Variants in MAP2 observed in about 807,000 individuals in gnomAD.
The protein encoded by MAP2 is microtubule associated protein 2.
In MAP2, 14 loss-of-function variants were observed where a neutral mutation model predicts 137.6. That is an observed-to-expected ratio of 0.10 (90% CI 0.07 to 0.16). MAP2 has a LOEUF of 0.16. Ranked by LOEUF, MAP2 falls within the 10% of genes least tolerant of loss-of-function variation. MAP2 has a pLI of 1.00. For synonymous variants in MAP2, 786 were observed against 782.3 expected, an observed-to-expected ratio of 1.00 and a Z score of -0.08; for missense variants, 2,088 against 2,191.5, an observed-to-expected ratio of 0.95 and a Z score of 0.94.
rs906961392 is a variant in MAP2, at chr2:209,534,274, T to A, written c.-172+26633T>A. 9.1e-4 allele frequency among the ~76,000 whole-genome samples: 139 copies of A among 152,336 alleles called. 2 individuals carry two copies. The highest frequency in any genetic ancestry group is 2.2e-4 in the Non-Finnish European group (15 of 68,040). On this transcript the variant is annotated intron_variant, in intron 2 of 15. Transcript: ENST00000682079. ...CAACAAGTTGGTTACTGTTGGGATA[T>A]CCATTTTACAGATAAAGAGTCAGAG...
intron 5 of MAP2, among the ~76,000 whole-genome samples, chr2:209,654,391 G>A (rs1170737685): frequency 6.6e-6 from 1 of 152,202 alleles, no homozygotes; most frequent in Non-Finnish European, 1.5e-5. Flanking sequence ...CAGGGTTTGA[G>A]ATACTGTGCA....
chr2:209,600,204 A>G (rs559884868), intron 3 of MAP2, among the ~76,000 whole-genome samples: 17 of 152,336 alleles, frequency 1.1e-4, no homozygotes, highest in African/African-American at 3.4e-4. Context: ...AAAAGCCCAC[A>G]CACATCGACA....
At chr2:209,472,401 A>G (rs528046563) in intron 1 of MAP2, among the ~76,000 whole-genome samples, 1 of 152,302 alleles carries the variant, frequency 6.6e-6, no homozygotes, top group South Asian at 2.1e-4. Context: ...GTTGAAGGCC[A>G]AGGTACTTGG....
rs2094928593 is a variant in MAP2 at position 209,653,346 on chromosome 2, G to A, written c.176G>A (p.Gly59Glu). ...AGGGAGGATGAAGAGGGTGCCTTTGGAGAGCATGGGTCACAGGGCACCTAT... is the reference window on the plus strand; with the variant it reads ...AGGGAGGATGAAGAGGGTGCCTTTGAAGAGCATGGGTCACAGGGCACCTAT... ...PYREDEEGAF[G>E]EHGSQGTYSN... Residue 59 changes from glycine (G) to glutamate (E), a missense_variant, in exon 5 of 16, where the codon GGA becomes GAA. Transcript: ENST00000682079. 1 of 1,614,114 alleles carries A rather than the reference G, an allele frequency of 6.2e-7. No homozygotes were observed. Among genetic ancestry groups the A allele is most frequent in the Admixed American group, 1.7e-5 (1 of 60,016 alleles).
chr2:209,462,074 C>A (rs924564699), intron 1 of MAP2, among the ~76,000 whole-genome samples: 2 of 152,130 alleles, frequency 1.3e-5, no homozygotes, highest in Non-Finnish European at 2.9e-5. Context: ...TAATTCCTCT[C>A]CTACCTTGAG....
At chr2:209,546,912 C>T (rs1181048486) in intron 2 of MAP2, among the ~76,000 whole-genome samples, 1 of 152,088 alleles carries the variant, frequency 6.6e-6, no homozygotes, top group Non-Finnish European at 1.5e-5. Flanking sequence ...TTTTAATAGC[C>T]TAGCCAGTGG....
intron 2 of MAP2, among the ~76,000 whole-genome samples, chr2:209,542,573 A>C (rs1490085145): frequency 6.6e-6 from 1 of 152,226 alleles, no homozygotes; most frequent in Non-Finnish European, 1.5e-5. Context: ...CTACATTAAC[A>C]ATCTATTGTG....
intron 1 of MAP2, among the ~76,000 whole-genome samples, chr2:209,428,923 T>TTTATTTA (rs541065518): frequency 2.7e-5 from 4 of 146,430 alleles, no homozygotes; most frequent in East Asian, 2.1e-4. Flanking sequence ...CTTTATTTTA[T>TTTATTTA]TTTATTTATT....
chr2:209,611,180 T>C (rs1201754399), intron 3 of MAP2, among the ~76,000 whole-genome samples: 3 of 152,212 alleles, frequency 2.0e-5, no homozygotes, highest in South Asian at 4.1e-4. Context: ...TTGAAAGCAG[T>C]ATTCTCTTTT....
At chr2:209,565,235 T>G (rs957931033) in intron 2 of MAP2, among the ~76,000 whole-genome samples, 90 of 152,320 alleles carry the variant, frequency 5.9e-4, no homozygotes, top group African/African-American at 2.1e-3. Context: ...TTTATTTTTT[T>G]GAGACAGGAA....
intron 13 of MAP2, among the ~76,000 whole-genome samples, chr2:209,720,515 T>G (rs2070023172): frequency 6.6e-6 from 1 of 151,808 alleles, no homozygotes; most frequent in African/African-American, 2.4e-5. Flanking sequence ...GGCGGGCGCC[T>G]GTAGTCCCAG....
chr2:209,438,896 T>C (rs1697044370), intron 1 of MAP2, among the ~76,000 whole-genome samples: 1 of 151,128 alleles, frequency 6.6e-6, no homozygotes, highest in African/African-American at 2.4e-5. Context: ...AACTACATTA[T>C]ATTATTATTT....
chr2:209,479,338 C>A (rs773830186), intron 1 of MAP2, among the ~76,000 whole-genome samples: 26 of 152,066 alleles, frequency 1.7e-4, no homozygotes, highest in Non-Finnish European at 3.4e-4. Flanking sequence ...TAATACTCTG[C>A]ATCACTTATA....
intron 4 of MAP2, among the ~76,000 whole-genome samples, chr2:209,628,729 A>C: frequency 6.6e-6 from 1 of 152,208 alleles, no homozygotes; most frequent in East Asian, 1.9e-4. Flanking sequence ...ATATACTGGC[A>C]TCTTCTACCT....
In MAP2 at chr2:209,580,662, A is replaced by C. The variant is rs960070515; in HGVS notation, c.-107+562A>C. On this transcript the variant is annotated intron_variant, in intron 3 of 15. Transcript: ENST00000682079. ...GCCGAGGTTGTTAGTTCTTAAAAGA[A>C]GTTATTTTACATTTGCTTTATTTGG... is the stretch of plus-strand genomic sequence containing the variant. Among the ~76,000 whole-genome samples the C allele has an allele frequency of 1.2e-4, 19 of 152,218 alleles. 1 individual carries two copies. The highest frequency in any genetic ancestry group is 3.4e-4 in the African/African-American group (14 of 41,460).
intron 2 of MAP2, among the ~76,000 whole-genome samples, chr2:209,551,054 C>T (rs558663699): frequency 1.3e-5 from 2 of 152,224 alleles, no homozygotes; most frequent in African/African-American, 4.8e-5. Context: ...AGATCTCAAA[C>T]ACCATCTGTA....
At chr2:209,633,362 A>G (rs570094398) in intron 4 of MAP2, among the ~76,000 whole-genome samples, 70 of 152,284 alleles carry the variant, frequency 4.6e-4, no homozygotes, top group Middle Eastern at 3.4e-3. Context: ...ATGTATCTGC[A>G]CTATAGAAAA....
At chr2:209,424,966 A>G (rs1380539093) in intron 1 of MAP2, among the ~76,000 whole-genome samples, 1 of 148,842 alleles carries the variant, frequency 6.7e-6, no homozygotes, top group East Asian at 2.1e-4. Flanking sequence ...TTTTCTTTTT[A>G]AAAGGCTTTT....
In MAP2 at chr2:209,582,603, A is replaced by G. The variant is rs560207046; in HGVS notation, c.-107+2503A>G. ...AATGTAATATGAGAAATGATGTCATACTTACCAGTCCATAATGAGCAACAA... is the reference window on the plus strand; with the variant it reads ...AATGTAATATGAGAAATGATGTCATGCTTACCAGTCCATAATGAGCAACAA... On this transcript the variant is annotated intron_variant, in intron 3 of 15. Transcript: ENST00000682079. Among the ~76,000 whole-genome samples, 864 of 152,112 alleles carry G rather than the reference A, an allele frequency of 5.7e-3. 9 individuals are homozygous for G. Among genetic ancestry groups the G allele is most frequent in the Middle Eastern group, 0.034 (10 of 294 alleles).
Sources: gnomAD v4.1 joint callset for allele counts (sites outside exome capture counted in the v4.1 genomes callset) on GRCh38, gnomAD v4.1.1 for gene constraint, MANE v1.5 for transcripts, NCBI Gene and HGNC (gene_info 2026-07-23, HGNC 2026-07-21) for gene names.